The following SLC9D1 variants were observed in gnomAD, a reference collection of about 807,000 sequenced individuals.
SLC9D1 encodes the protein putative LAG1-interacting protein.
chr13:113,548,669 AC>A, the SLC9D1 span, among the ~76,000 whole-genome samples: 1 of 152,114 alleles, frequency 6.6e-6, no homozygotes, highest in Non-Finnish European at 1.5e-5. Flanking sequence ...TATTGCATTA[AC>A]CTTTTACAAC....
chr13:113,538,757 C>A, the SLC9D1 span, among the ~76,000 whole-genome samples: 2 of 152,278 alleles, frequency 1.3e-5, no homozygotes, highest in Admixed American at 6.5e-5. Context: ...AATCATCTTT[C>A]AGGTTGGCCG....
the SLC9D1 span, chr13:113,499,911 G>A: frequency 8.2e-7 from 1 of 1,218,882 alleles, no homozygotes; most frequent in Non-Finnish European, 1.1e-6. Flanking sequence ...TCCAAAAATT[G>A]AAAGCATTTA....
the SLC9D1 span, chr13:113,496,118 C>A: frequency 1.1e-6 from 1 of 907,394 alleles, no homozygotes; most frequent in Non-Finnish European, 1.6e-6. Context: ...ATCCTAGAGA[C>A]AGCCCACACG....
the SLC9D1 span, among the ~76,000 whole-genome samples, chr13:113,492,215 G>C: frequency 6.6e-6 from 1 of 152,300 alleles, no homozygotes; most frequent in South Asian, 2.1e-4. Context: ...ACCTCAAGCA[G>C]TTCGCCCACC....
At chr13:113,503,552 T>G in the SLC9D1 span, 9 of 1,614,018 alleles carry the variant, frequency 5.6e-6, no homozygotes, top group Non-Finnish European at 7.6e-6. Flanking sequence ...CTCTTTTTCT[T>G]GTTGGCTTAG....
At chr13:113,548,952 C>T in the SLC9D1 span, among the ~76,000 whole-genome samples, 1 of 152,134 alleles carries the variant, frequency 6.6e-6, no homozygotes, top group Admixed American at 6.6e-5. Flanking sequence ...GAATTGCTTA[C>T]AGGAAGCTCC....
chr13:113,547,873 TC>T, the SLC9D1 span, among the ~76,000 whole-genome samples: 10 of 151,654 alleles, frequency 6.6e-5, no homozygotes, highest in African/African-American at 2.4e-4. Flanking sequence ...GCTGTGATGA[TC>T]GTTGGACCAC....
the SLC9D1 span, among the ~76,000 whole-genome samples, chr13:113,507,420 G>A: frequency 6.6e-6 from 1 of 152,202 alleles, no homozygotes; most frequent in Admixed American, 6.5e-5. Flanking sequence ...TGAGCCTCCT[G>A]CCACGTGGGT....
At chr13:113,512,190 C>T in the SLC9D1 span, among the ~76,000 whole-genome samples, 1,184 of 79,064 alleles carry the variant, frequency 0.015, no homozygotes, top group African/African-American at 0.043. Flanking sequence ...GGCAGAGGGC[C>T]GGAGTGTAGA....
At chr13:113,496,706 G>A in the SLC9D1 span, among the ~76,000 whole-genome samples, 106 of 152,234 alleles carry the variant, frequency 7.0e-4, no homozygotes, top group South Asian at 6.8e-3. Context: ...CAGCATAAAC[G>A]TTAGAGAAAA....
the SLC9D1 span, chr13:113,495,780 G>A: frequency 1.6e-4 from 254 of 1,614,158 alleles, no homozygotes; most frequent in African/African-American, 2.9e-3. Flanking sequence ...GAAGAATGCA[G>A]TTCTGAACAA....
At chr13:113,500,062 C>T in the SLC9D1 span, 1 of 1,597,846 alleles carries the variant, frequency 6.3e-7, no homozygotes, top group South Asian at 1.1e-5. Flanking sequence ...TGGGTCTTAG[C>T]ATGCTGATTG....
chr13:113,506,223 TG>T, the SLC9D1 span, among the ~76,000 whole-genome samples: 1 of 71,182 alleles, frequency 1.4e-5, no homozygotes, highest in Non-Finnish European at 2.3e-5. Flanking sequence ...GTGGGCCACG[TG>T]GCTGCCTGGC....
the SLC9D1 span, among the ~76,000 whole-genome samples, chr13:113,525,079 C>T: frequency 6.6e-6 from 1 of 152,272 alleles, no homozygotes; most frequent in Admixed American, 6.5e-5. Flanking sequence ...TGTAACTTAT[C>T]ACTGTTTGCT....
the SLC9D1 span, among the ~76,000 whole-genome samples, chr13:113,543,062 C>G: frequency 7.5e-6 from 1 of 133,204 alleles, no homozygotes; most frequent in Non-Finnish European, 1.6e-5. Context: ...ACCTCCTCCC[C>G]CTGCCTCCCG....
At chr13:113,548,369 G>A in the SLC9D1 span, 43 of 1,613,856 alleles carry the variant, frequency 2.7e-5, no homozygotes, top group African/African-American at 4.0e-5. Context: ...CAAGTGGATC[G>A]TCTCTGCGGG....
At chr13:113,534,511 G>A in the SLC9D1 span, 11 of 481,550 alleles carry the variant, frequency 2.3e-5, no homozygotes, top group African/African-American at 8.0e-5. Flanking sequence ...TCCGTGGGCC[G>A]GGTATAGTGG....
chr13:113,534,144 C>T, the SLC9D1 span: 1 of 1,612,464 alleles, frequency 6.2e-7, no homozygotes, highest in Non-Finnish European at 8.5e-7. Flanking sequence ...AGAAGTATCT[C>T]ATTGGACCCT....
At chr13:113,548,245 G>C in the SLC9D1 span, 2 of 1,587,108 alleles carry the variant, frequency 1.3e-6, no homozygotes, top group Non-Finnish European at 1.7e-6. Context: ...TGTTTCGTGT[G>C]TGTTTAACTC....
Sources: gnomAD v4.1 joint callset for allele counts (sites outside exome capture counted in the v4.1 genomes callset) on GRCh38, gnomAD v4.1.1 for gene constraint, MANE v1.5 for transcripts, NCBI Gene and HGNC (gene_info 2026-07-23, HGNC 2026-07-21) for gene names.